C6: variants seen among roughly 807,000 people sequenced by gnomAD.
C6 encodes complement C6.
Under a neutral mutation model 112.9 loss-of-function variants are expected in C6, and 101 were observed. The ratio of observed to expected loss-of-function variants is 0.89; its 90% CI spans 0.76 to 1.06. The LOEUF (loss-of-function observed/expected upper bound fraction) is 1.06, where lower values mean the gene tolerates loss of function less well. Ranked by LOEUF, C6 falls within the 50% of genes least tolerant of loss-of-function variation. The pLI, the probability that C6 is intolerant of heterozygous loss-of-function variation, is 0.00. For missense variants in C6, 1,202 were observed against 1,104.6 expected (o/e 1.09, Z -1.25); for synonymous variants, 431 against 384.1 (o/e 1.12, Z -1.43).
At chr5:41,234,796 G>A (rs938558835) in intron 1 of C6, among the ~76,000 whole-genome samples, 5 of 152,080 alleles carry the variant, frequency 3.3e-5, no homozygotes, top group East Asian at 1.9e-4. Flanking sequence ...AAGTTATGAG[G>A]AGCCAATAAT....
At chr5:41,236,092 T>C (rs1281983157) in intron 1 of C6, among the ~76,000 whole-genome samples, 1 of 78,488 alleles carries the variant, frequency 1.3e-5, no homozygotes, top group Non-Finnish European at 2.4e-5. Context: ...TTAGATCCCA[T>C]TTGTCAATTT....
chr5:41,144,699 T>G (rs1042313794), intron 17 of C6, among the ~76,000 whole-genome samples: 2 of 152,200 alleles, frequency 1.3e-5, no homozygotes, highest in Non-Finnish European at 2.9e-5. Context: ...GTAATAAGCA[T>G]AGTGCATGAT....
chr5:41,183,095 T>C (rs545781554), intron 6 of C6, among the ~76,000 whole-genome samples: 2 of 152,336 alleles, frequency 1.3e-5, no homozygotes, highest in South Asian at 4.1e-4. Context: ...TTCTTTTCCA[T>C]TGTGCATATA....
intron 1 of C6, among the ~76,000 whole-genome samples, chr5:41,234,957 G>A (rs1263384752): frequency 6.6e-6 from 1 of 151,704 alleles, no homozygotes; most frequent in Non-Finnish European, 1.5e-5. Flanking sequence ...TCTTGGCTGA[G>A]ATTTGTCCTT....
chr5:41,186,347 CT>C, intron 5 of C6, 139 bp from the exon 6 acceptor site: 8 of 815,164 alleles, frequency 9.8e-6, no homozygotes, highest in Admixed American at 6.7e-5. Context: ...CACACCTCCG[CT>C]TTTTTTTCCT....
chr5:41,176,725 A>G lies in C6; in HGVS notation c.928-10T>C. Reference sequence around the variant, plus strand: ...TAATAAAACTAGAATCCTAAATGGAAGAAAGAAGTAAAAAGATGATTAAAG... The same window carrying G: ...TAATAAAACTAGAATCCTAAATGGAGGAAAGAAGTAAAAAGATGATTAAAG... On this transcript the variant is annotated splice_polypyrimidine_tract_variant and intron_variant, in intron 7 of 17. Coordinates refer to ENST00000337836, the MANE Select transcript of C6 (RefSeq NM_000065.5). The G allele has an allele frequency of 6.2e-7, 1 of 1,606,588 alleles. No individual in the cohort carries two copies. The highest frequency in any genetic ancestry group is 8.5e-7 in the Non-Finnish European group (1 of 1,174,830).
chr5:41,196,512 C>T (rs567456204), intron 4 of C6, among the ~76,000 whole-genome samples: 2 of 151,382 alleles, frequency 1.3e-5, no homozygotes, highest in African/African-American at 2.4e-5. Flanking sequence ...TTCTATATCT[C>T]GATATAGAAA....
intron 12 of C6, 69 bp downstream of exon 12, chr5:41,159,013 C>G: frequency 6.6e-7 from 1 of 1,516,184 alleles, no homozygotes; most frequent in South Asian, 1.1e-5. Context: ...GACTAATAAC[C>G]ATTTGAACTC....
chr5:41,196,654 A>T (rs1238754498), intron 4 of C6, among the ~76,000 whole-genome samples: 1 of 151,094 alleles, frequency 6.6e-6, no homozygotes, highest in Non-Finnish European at 1.5e-5. Context: ...TATTAAATAT[A>T]TCTACTATCT....
At chr5:41,246,010 A>G (rs1325492493) in intron 1 of C6, among the ~76,000 whole-genome samples, 1 of 152,200 alleles carries the variant, frequency 6.6e-6, no homozygotes, top group Non-Finnish European at 1.5e-5. Context: ...GAGGGCATTT[A>G]GAGTAGAGGT....
At chr5:41,208,536 G>C (rs1751625551) in intron 1 of C6, among the ~76,000 whole-genome samples, 1 of 152,064 alleles carries the variant, frequency 6.6e-6, no homozygotes, top group Non-Finnish European at 1.5e-5. Context: ...TGATAAAGGG[G>C]ATATCACCAC....
chr5:41,185,669 A>T (rs1218702080), intron 6 of C6, among the ~76,000 whole-genome samples: 2 of 151,356 alleles, frequency 1.3e-5, no homozygotes, highest in African/African-American at 4.9e-5. Context: ...CTGGCACTTT[A>T]AAAAAAAAGT....
At chr5:41,150,770 C>T (rs978028972) in intron 15 of C6, among the ~76,000 whole-genome samples, 1 of 151,906 alleles carries the variant, frequency 6.6e-6, no homozygotes, top group Non-Finnish European at 1.5e-5. Context: ...ACCTGTAGTC[C>T]CAGCTACTCA....
intron 1 of C6, among the ~76,000 whole-genome samples, chr5:41,254,682 A>C (rs1241039516): frequency 6.6e-6 from 1 of 152,234 alleles, no homozygotes; most frequent in Admixed American, 6.5e-5. Context: ...GTAAATGTTA[A>C]GTGATCCCTA....
intron 1 of C6, among the ~76,000 whole-genome samples, chr5:41,246,579 T>C (rs1338460799): frequency 1.3e-5 from 2 of 152,222 alleles, no homozygotes; most frequent in Admixed American, 6.5e-5. Context: ...AGGTGACTCA[T>C]TGGGCCAGGG....
At chr5:41,221,033 T>TA (rs11379591) in intron 1 of C6, among the ~76,000 whole-genome samples, 95,879 of 148,868 alleles carry the variant, frequency 0.64, 31,056 homozygotes, top group South Asian at 0.72. Flanking sequence ...TTTATGTAGC[T>TA]AAAAAAAAAA....
intron 6 of C6, among the ~76,000 whole-genome samples, chr5:41,184,886 G>T (rs763643996): frequency 3.9e-5 from 6 of 152,138 alleles, no homozygotes; most frequent in Admixed American, 2.6e-4. Context: ...AGACTCTAAG[G>T]TATCATATGA....
At position 41,158,682 on chromosome 5, in the gene C6, A is replaced by C. The variant is rs1747157509; in HGVS notation, c.1960T>G (p.Phe654Val). The change falls in exon 13 of 18, where the codon TTT becomes GTT. Residue 654 changes from phenylalanine to valine, a missense_variant. Phe to Val is a conservative substitution (Grantham distance 50, BLOSUM62 -1). Transcript: ENST00000337836. ...AGGTTTAGGATGCTGACCCGGATAAATCCATTTTCTGGAGGAACTGGCTGA... is the reference window on the plus strand; with the variant it reads ...AGGTTTAGGATGCTGACCCGGATAACTCCATTTTCTGGAGGAACTGGCTGA... ...CPQPVPPENG[F>V]IRNEKQLYLV... 1 of 1,597,438 alleles carries C rather than the reference A, an allele frequency of 6.3e-7. No individual in the cohort carries two copies. Among genetic ancestry groups the C allele is most frequent in the Admixed American group, 1.7e-5 (1 of 59,890 alleles).
At chr5:41,208,172 T>C (rs371291645) in intron 1 of C6, among the ~76,000 whole-genome samples, 8 of 152,200 alleles carry the variant, frequency 5.3e-5, no homozygotes, top group Admixed American at 6.5e-5. Context: ...TTGAAACCAA[T>C]GAGAACAAAG....
Sources: gnomAD v4.1 joint callset for allele counts (sites outside exome capture counted in the v4.1 genomes callset) on GRCh38, gnomAD v4.1.1 for gene constraint, MANE v1.5 for transcripts, NCBI Gene and HGNC (gene_info 2026-07-23, HGNC 2026-07-21) for gene names.